The following ROBO3 variants were observed in gnomAD, a reference collection of about 807,000 sequenced individuals.
ROBO3 encodes the protein roundabout homolog 3.
ROBO3 carries 97 observed loss-of-function variants against 160.5 expected under a neutral mutation model. That is an observed-to-expected ratio of 0.60 (90% CI 0.51 to 0.72). The LOEUF (loss-of-function observed/expected upper bound fraction) is 0.72. Among genes scored for constraint, ROBO3 ranks in the 30% least tolerant of loss-of-function variants. The pLI, the probability that ROBO3 is intolerant of heterozygous loss-of-function variation, is 0.00. For synonymous variants in ROBO3, 780 were observed against 746.2 expected (o/e 1.05, Z -0.74); for missense variants, 1,858 against 1,846.5 (o/e 1.01, Z -0.11).
chr11:124,866,218 C>T (rs1250391128), intron 1 of ROBO3, among the ~76,000 whole-genome samples: 1 of 152,190 alleles, frequency 6.6e-6, no homozygotes, highest in African/African-American at 2.4e-5. Flanking sequence ...GATGTGTTTG[C>T]TACGGAGGGG....
In ROBO3 at chr11:124,878,276, G is replaced by T. The variant is rs1016567928; in HGVS notation, c.3182-22G>T. ...GCTCTTTCCTGCCTGTTCTCCGGGT[G>T]TCCCCATCCTATTCTCCTCAGGAGC... On this transcript the variant is annotated intron_variant, in intron 21 of 27. Transcript: ENST00000397801. This position sits in a 1 kb window ranked among gnomAD's most constrained non-coding sequence, Gnocchi z 4.3. The T allele has an allele frequency of 4.3e-6, 7 of 1,610,918 alleles. No individual in the cohort carries two copies. The Admixed American group carries it at 6.7e-5, about 15-fold the overall frequency.
At chr11:124,870,795 A>G (rs7925879) in intron 6 of ROBO3, 67 bp downstream of exon 6, 1,090,634 of 1,580,152 alleles carry the variant, frequency 0.69, 381,313 homozygotes, top group African/African-American at 0.83. Context: ...ATGGTTGGCA[A>G]GAGACTGAGG....
Position 124,876,280 on chromosome 11 carries a change from C to T in ROBO3, c.2599C>T (p.Pro867Ser), listed in dbSNP as rs759313748. The part of the protein sequence containing the change: ...SAPVLVQLPS[P>S]PDLEPGLEVG... ...CACTTCTCTGACCCCCACAGCGTCC[C>T]CGCCGGACCTGGAGCCCGGGCTGGA... The change falls in exon 17 of 28, where the codon CCG becomes TCG. Residue 867 changes from proline (P) to serine (S), a missense_variant. Transcript: ENST00000397801. The surrounding 1 kb of genome is among the most constrained non-coding windows in gnomAD (Gnocchi z 5.3). 1.4e-6 allele frequency: 2 copies of T among 1,468,306 alleles called. No homozygotes were observed. Among genetic ancestry groups the T allele is most frequent in the Non-Finnish European group, 1.8e-6 (2 of 1,121,980 alleles). 91.0% of individuals were successfully genotyped at this position (1,468,306 alleles called of 1,614,324 possible).
At position 124,879,538 on chromosome 11, in the gene ROBO3, C is replaced by G; in HGVS notation, c.3759C>G (p.Pro1253=). 1 of 1,613,708 alleles carries G rather than the reference C, an allele frequency of 6.2e-7. No individual in the cohort carries two copies. The highest frequency in any genetic ancestry group is 8.5e-7 in the Non-Finnish European group (1 of 1,179,718). Residue 1253 remains proline, a synonymous_variant, in exon 25 of 28, where the codon CCC becomes CCG. Transcript: ENST00000397801. The stretch of plus-strand genomic sequence containing the variant: ...CCCGTGCTCGATTCCGGAAGAAACC[C>G]AAGGCTCTTCCCTACAGGAGGGAGA... ...QGPRARFRKK[P]KALPYRRENS...
In ROBO3 at chr11:124,869,058, T is replaced by A; in HGVS notation, c.417T>A (p.Gly139=). The change falls in exon 2 of 28, where the codon GGT becomes GGA. Residue 139 remains glycine, a synonymous_variant. Coordinates refer to ENST00000397801, the MANE Select transcript of ROBO3 (RefSeq NM_022370.4). This position sits in a 1 kb window ranked among gnomAD's most constrained non-coding sequence, Gnocchi z 4.2. ...VHGRRARPDE[G]VYTCVARNYL... ...GGCGCCGCGCGCGGCCGGACGAAGG[T>A]GTCTACACTTGCGTGGCTCGCAACT... The A allele has an allele frequency of 6.2e-7, 1 of 1,601,670 alleles. No individual in the cohort carries two copies.
chr11:124,871,639 C>T (rs1431131311), intron 7 of ROBO3, among the ~76,000 whole-genome samples: 1 of 152,184 alleles, frequency 6.6e-6, no homozygotes, highest in Non-Finnish European at 1.5e-5. Context: ...AATCCAGAAG[C>T]AGAATGAACA....
At position 124,873,766 on chromosome 11, in the gene ROBO3, T is replaced by A. The variant is rs1407051179; in HGVS notation, c.1688T>A (p.Val563Glu). ...SSPPGAPSQP[V>E]VTEITKNSIT... is the part of the protein sequence containing the mutation. ...CCTCCGGGGGCTCCCTCTCAGCCAG[T>A]GGTCACTGAGATCACCAAGAACAGC... Residue 563 changes from valine (V) to glutamate (E), a missense_variant, in exon 11 of 28, where the codon GTG (valine) becomes GAG (glutamate). By Grantham distance (121) the Val-to-Glu change is moderately radical (BLOSUM62 -2). Coordinates refer to ENST00000397801, the MANE Select transcript of ROBO3 (RefSeq NM_022370.4). This position sits in a 1 kb window ranked among gnomAD's most constrained non-coding sequence, Gnocchi z 4.5. The A allele has an allele frequency of 6.2e-7, 1 of 1,613,830 alleles. No homozygotes were observed. The highest frequency in any genetic ancestry group is 8.5e-7 in the Non-Finnish European group (1 of 1,179,768).
chr11:124,870,662 A>T lies in ROBO3; in HGVS notation c.967A>T (p.Thr323Ser). ...IGHVSAEDEG[T>S]YTCVAENSVG... Reference sequence around the variant, plus strand: ...GCATGTGAGTGCCGAAGATGAGGGAACGTACACCTGTGTGGCGGAGAACAG... The same window carrying T: ...GCATGTGAGTGCCGAAGATGAGGGATCGTACACCTGTGTGGCGGAGAACAG... Residue 323 changes from threonine (T) to serine (S), a missense_variant, in exon 6 of 28, where the codon ACG (threonine) becomes TCG (serine). Thr to Ser is a moderately conservative substitution (Grantham distance 58). Coordinates refer to ENST00000397801, the MANE Select transcript of ROBO3 (RefSeq NM_022370.4). The T allele has an allele frequency of 6.2e-7, 1 of 1,613,444 alleles. No individual in the cohort carries two copies. The highest frequency in any genetic ancestry group is 8.5e-7 in the Non-Finnish European group (1 of 1,179,758).
intron 25 of ROBO3, 105 bp downstream of exon 25, chr11:124,879,680 A>G (rs1405054166): frequency 7.1e-6 from 11 of 1,551,490 alleles, no homozygotes; most frequent in African/African-American, 1.4e-5. Flanking sequence ...GTGAACCCCA[A>G]TCTTGGGCTG....
rs1946302345 is a variant in ROBO3, at chr11:124,873,169, G to A, written c.1536+80G>A. On this transcript the variant is annotated intron_variant, in intron 9 of 27. Coordinates refer to ENST00000397801, the MANE Select transcript of ROBO3 (RefSeq NM_022370.4). This position sits in a 1 kb window ranked among gnomAD's most constrained non-coding sequence, Gnocchi z 4.5. Reference sequence around the variant, plus strand: ...CCTTACACAAGTAAGTACTCACTGGGCCTGTAGCCCCATCTTTACCCCTCT... The same window carrying A: ...CCTTACACAAGTAAGTACTCACTGGACCTGTAGCCCCATCTTTACCCCTCT... 32 of 1,478,052 alleles carry A rather than the reference G, an allele frequency of 2.2e-5. No individual in the cohort carries two copies. The East Asian group carries it at 5.7e-4, about 26-fold the overall frequency. 91.6% of individuals were successfully genotyped at this position (1,478,052 alleles called of 1,614,324 possible).
At chr11:124,868,735 C>G (rs1259470885) in intron 1 of ROBO3, 67 bp from the exon 2 acceptor site, 2 of 1,463,244 alleles carry the variant, frequency 1.4e-6, no homozygotes, top group African/African-American at 2.8e-5. Context: ...TTCTCTTTCC[C>G]TCTGGAGCCT....
Position 124,880,667 on chromosome 11 carries a change from G to C in ROBO3, c.4149+59G>C, listed in dbSNP as rs1591524288. On this transcript the variant is annotated intron_variant, in intron 27 of 27. Coordinates refer to ENST00000397801, the MANE Select transcript of ROBO3 (RefSeq NM_022370.4). ...GAGGACTAGGGAAGGGTGGACCAAG[G>C]CGTAATGGAAAACAGGAAGGTGGGC... is the stretch of plus-strand genomic sequence containing the variant. 20 of 1,457,958 alleles carry C rather than the reference G, an allele frequency of 1.4e-5. No homozygotes were observed. The South Asian group carries it at 2.6e-4, about 19-fold the overall frequency. 90.3% of individuals were successfully genotyped at this position (1,457,958 alleles called of 1,614,324 possible).
At position 124,878,138 on chromosome 11, in the gene ROBO3, C is replaced by T. The variant is rs753208894; in HGVS notation, c.3181+7C>T. The T allele has an allele frequency of 1.2e-4, 188 of 1,597,434 alleles. No individual in the cohort carries two copies. Among genetic ancestry groups the T allele is most frequent in the Non-Finnish European group, 1.5e-4 (172 of 1,172,450 alleles). On this transcript the variant is annotated splice_region_variant and intron_variant, in intron 21 of 27. Coordinates refer to ENST00000397801, the MANE Select transcript of ROBO3 (RefSeq NM_022370.4). This position sits in a 1 kb window ranked among gnomAD's most constrained non-coding sequence, Gnocchi z 4.3. ...TGGAGCCAGGGGGACAGTGGTATGACTCCAACTCCTGAAACCCCGTTTAGC... is the reference window on the plus strand; with the variant it reads ...TGGAGCCAGGGGGACAGTGGTATGATTCCAACTCCTGAAACCCCGTTTAGC...
At position 124,873,079 on chromosome 11, in the gene ROBO3, C is replaced by G. The variant is rs752869916; in HGVS notation, c.1526C>G (p.Ala509Gly). The change falls in exon 9 of 28, where the codon GCC becomes GGC. Residue 509 changes from alanine to glycine, a missense_variant. Transcript: ENST00000397801. This position sits in a 1 kb window ranked among gnomAD's most constrained non-coding sequence, Gnocchi z 4.5. ...ATGGCCAACGGTACCCTGTACATCG[C>G]CAATGTGCAGGTGAGTGTCACCCCT... is the stretch of plus-strand genomic sequence containing the variant. ...KTMANGTLYI[A>G]NVQEMDMGFY... 4 of 1,613,194 alleles carry G rather than the reference C, an allele frequency of 2.5e-6. No homozygotes were observed. The South Asian group carries it at 3.3e-5, about 13-fold the overall frequency.
chr11:124,873,609 A>G lies in ROBO3; in HGVS notation c.1619-88A>G, dbSNP rs1946307849. ...CACTCTGACCATCACCGCAGCTCAG[A>G]GCTCCATAGCTCCCCTGGTAAGGAG... is the stretch of plus-strand genomic sequence containing the variant. On this transcript the variant is annotated intron_variant, in intron 10 of 27. Transcript: ENST00000397801. The surrounding 1 kb of genome is among the most constrained non-coding windows in gnomAD (Gnocchi z 4.5). 1 of 1,301,276 alleles carries G rather than the reference A, an allele frequency of 7.7e-7. No homozygotes were observed. 80.6% of individuals were successfully genotyped at this position (1,301,276 alleles called of 1,614,324 possible).
intron 13 of ROBO3, 79 bp downstream of exon 13, chr11:124,874,988 G>C (rs1946332850): frequency 9.1e-6 from 14 of 1,542,314 alleles, no homozygotes; most frequent in East Asian, 2.3e-5. Context: ...GAGTATGGGA[G>C]AGTGGGAGGT....
rs1292918969 is a variant in ROBO3 at position 124,875,129 on chromosome 11, C to G, written c.2092C>G (p.Leu698Val). ...VSWTVDGPVQ[L>V]VQGFRVSWRV... ...CCCACAGGTGGATGGCCCAGTCCAG[C>G]TGGTGCAAGGTTTCCGGGTGTCTTG... Residue 698 changes from leucine to valine, a missense_variant, in exon 14 of 28, where the codon CTG becomes GTG. Leu to Val is a conservative substitution (Grantham distance 32). Transcript: ENST00000397801. 1.9e-6 allele frequency: 3 copies of G among 1,609,138 alleles called. No individual in the cohort carries two copies. The African/African-American group carries it at 4.0e-5, about 21-fold the overall frequency.
chr11:124,877,485 T>C, intron 19 of ROBO3, 34 bp from the exon 20 acceptor site: 6 of 1,599,986 alleles, frequency 3.8e-6, no homozygotes, highest in Non-Finnish European at 5.1e-6. Flanking sequence ...CTCTTCAGGC[T>C]CTCCGTCCCC....
chr11:124,865,855 A>G lies in ROBO3; in HGVS notation c.160+118A>G. ...GGTCCGGGATTGAGTGGCGCCTCCCAGCGCCTCCCTGGGTCGTGGGGTCTA... is the reference window on the plus strand; with the variant it reads ...GGTCCGGGATTGAGTGGCGCCTCCCGGCGCCTCCCTGGGTCGTGGGGTCTA... On this transcript the variant is annotated intron_variant, in intron 1 of 27. Transcript: ENST00000397801. The surrounding 1 kb of genome is among the most constrained non-coding windows in gnomAD (Gnocchi z 5.5). 8.5e-7 allele frequency: 1 copy of G among 1,174,754 alleles called. No individual in the cohort carries two copies. Among genetic ancestry groups the G allele is most frequent in the Non-Finnish European group, 1.2e-6 (1 of 853,736 alleles). The allele number at this position is 1,174,754 out of a possible 1,614,324, so 72.8% of individuals were successfully genotyped here.
Sources: allele counts gnomAD v4.1 joint callset (sites outside exome capture counted in the v4.1 genomes callset), GRCh38; gene constraint gnomAD v4.1.1; non-coding constraint Gnocchi (gnomAD v3.1); transcripts MANE v1.5; gene names NCBI Gene and HGNC (gene_info 2026-07-23, HGNC 2026-07-21).